TGM2: variants seen among roughly 807,000 people sequenced by gnomAD.
The protein encoded by TGM2 is protein-glutamine gamma-glutamyltransferase 2.
In TGM2, 53 loss-of-function variants were observed where a neutral mutation model predicts 75.6. The ratio of observed to expected loss-of-function variants is 0.70; its 90% confidence interval spans 0.56 to 0.88. The LOEUF (loss-of-function observed/expected upper bound fraction) is 0.88. Among genes scored for constraint, TGM2 ranks in the 40% least tolerant of loss-of-function variants. The pLI is 0.00. For synonymous variants in TGM2, 374 were observed against 381.1 expected (o/e 0.98, Z 0.22); for missense variants, 842 against 928.5 (o/e 0.91, Z 1.21).
At chr20:38,163,290 A>G (rs1010435257) in intron 1 of TGM2, among the ~76,000 whole-genome samples, 9 of 152,164 alleles carry the variant, frequency 5.9e-5, no homozygotes, top group African/African-American at 2.2e-4. Context: ...CATGTGGTCC[A>G]AGTGAGGCCC....
At chr20:38,167,533 C>G (rs1600530179), upstream of TGM2, among the ~76,000 whole-genome samples, 1 of 152,128 alleles carries the variant, frequency 6.6e-6, no homozygotes. Context: ...AGATGGAGGT[C>G]TCACTATGTT....
At chr20:38,165,429 G>A, upstream of TGM2, 2 of 610,798 alleles carry the variant, frequency 3.3e-6, no homozygotes, top group Non-Finnish European at 5.6e-6. Flanking sequence ...CCCGAGGGAG[G>A]GACGGCGGCC....
At position 38,159,520 on chromosome 20, in the gene TGM2, A is replaced by T. The variant is rs45597039; in HGVS notation, c.190+1900T>A. On this transcript the variant is annotated intron_variant, in intron 2 of 12. Transcript: ENST00000361475. The stretch of plus-strand genomic sequence containing the variant: ...CCCATGAACCTAAAATAAAAGTTTT[A>T]AAAAAGAAAGAAAGAAAGAAAGAAA... Among the ~76,000 whole-genome samples the T allele has an allele frequency of 4.5e-3, 517 of 116,008 alleles. 2 individuals carry two copies. Among genetic ancestry groups the T allele is most frequent in the African/African-American group, 0.013 (495 of 39,498 alleles). The allele number at this position is 116,008 out of a possible 152,430, so 76.1% of individuals were successfully genotyped here.
At chr20:38,134,935 G>A (rs973244093) in intron 10 of TGM2, among the ~76,000 whole-genome samples, 2 of 152,156 alleles carry the variant, frequency 1.3e-5, no homozygotes. Flanking sequence ...TTCCAACAGG[G>A]GACTTGGACC....
upstream of TGM2, among the ~76,000 whole-genome samples, chr20:38,165,866 G>A (rs548140026): frequency 8.6e-5 from 13 of 151,990 alleles, no homozygotes; most frequent in South Asian, 2.1e-4. Context: ...ATTCAGATTC[G>A]AATGGCAGAC....
At chr20:38,153,008 T>C (rs898707178) in intron 3 of TGM2, among the ~76,000 whole-genome samples, 1 of 125,644 alleles carries the variant, frequency 8.0e-6, no homozygotes, top group Admixed American at 9.6e-5. Context: ...CCTCTGCAGA[T>C]TGACTAAAAT....
chr20:38,165,700 A>ACACG (rs373296658), upstream of TGM2, among the ~76,000 whole-genome samples: 1,473 of 147,912 alleles, frequency 1.0e-2, 32 homozygotes, highest in African/African-American at 0.035. Flanking sequence ...ACACACACAC[A>ACACG]CGCACACACT....
chr20:38,131,269 A>G (rs188871265), intron 11 of TGM2, 40 bp from the exon 12 acceptor site: 7 of 1,612,234 alleles, frequency 4.3e-6, no homozygotes, highest in Admixed American at 1.7e-5. Context: ...GGCAGGTGGG[A>G]TCCAGGCTGG....
rs1405893992 is a variant in TGM2 at position 38,150,945 on chromosome 20, A to C, written c.546T>G (p.Phe182Leu). ...AKFIKNIPWN[F>L]GQFEDGILDI... ...GACAGGGTGTGGCCCTTACCTGCCCAAAATTCCAAGGTATGTTCTTGATGA... is the reference window on the plus strand; with the variant it reads ...GACAGGGTGTGGCCCTTACCTGCCCCAAATTCCAAGGTATGTTCTTGATGA... Residue 182 changes from phenylalanine (F) to leucine (L), a missense_variant, in exon 4 of 13, where the codon TTT becomes TTG. Transcript: ENST00000361475. 1.9e-6 allele frequency: 3 copies of C among 1,613,772 alleles called. No individual in the cohort carries two copies. The highest frequency in any genetic ancestry group is 1.7e-5 in the Admixed American group (1 of 60,010).
At chr20:38,134,956 T>G (rs1337848793) in intron 10 of TGM2, among the ~76,000 whole-genome samples, 2 of 152,200 alleles carry the variant, frequency 1.3e-5, no homozygotes, top group African/African-American at 4.8e-5. Flanking sequence ...AGCCTCACTT[T>G]CCAGCCAGAG....
chr20:38,161,360 G>C (rs968446444), intron 2 of TGM2, 60 bp downstream of exon 2: 12 of 1,593,416 alleles, frequency 7.5e-6, no homozygotes, highest in Non-Finnish European at 1.0e-5. Flanking sequence ...GGGGCATGTC[G>C]GGGTGGAGAG....
rs577976283 is a variant in TGM2 at position 38,141,641 on chromosome 20, C to G, written c.996-256G>C. 3.9e-5 allele frequency among the ~76,000 whole-genome samples: 6 copies of G among 152,134 alleles called. No individual in the cohort carries two copies. In the East Asian group the frequency reaches 1.2e-3, roughly 29 times the overall value. Reference sequence around the variant, plus strand: ...CCCCTCCTTGCCCCTCTCAGTGGCCCCTTTGACCTCCTAATTTCTTGGCTC... The same window carrying G: ...CCCCTCCTTGCCCCTCTCAGTGGCCGCTTTGACCTCCTAATTTCTTGGCTC... On this transcript the variant is annotated intron_variant, in intron 7 of 12. Coordinates refer to ENST00000361475, the MANE Select transcript of TGM2 (RefSeq NM_004613.4).
At chr20:38,168,380 G>C (rs563720713), upstream of TGM2, among the ~76,000 whole-genome samples, 1 of 152,318 alleles carries the variant, frequency 6.6e-6, no homozygotes, top group East Asian at 1.9e-4. Flanking sequence ...TACCTCACCG[G>C]GGCTGTAAAG....
intron 1 of TGM2, among the ~76,000 whole-genome samples, chr20:38,163,667 G>T (rs1284457871): frequency 6.6e-6 from 1 of 152,136 alleles, no homozygotes; most frequent in Non-Finnish European, 1.5e-5. Flanking sequence ...AAACCTGGGG[G>T]CAGATAGTTC....
In TGM2 at chr20:38,138,302, G is replaced by T. The variant is rs774425047; in HGVS notation, c.1426C>A (p.Arg476=). 1 of 1,614,160 alleles carries T rather than the reference G, an allele frequency of 6.2e-7. No homozygotes were observed. Among genetic ancestry groups the T allele is most frequent in the South Asian group, 1.1e-5 (1 of 91,064 alleles). The change falls in exon 10 of 13, where the codon CGG becomes AGG. Residue 476 remains arginine, a synonymous_variant. Coordinates refer to ENST00000361475, the MANE Select transcript of TGM2 (RefSeq NM_004613.4). ...AEKEETGMAM[R]IRVGQSMNMG... ...TTCATGCTCTGGCCCACACGGATCC[G>T]CATGGCCATCCCTGTCTCCTCCTTC... is the stretch of plus-strand genomic sequence containing the variant.
chr20:38,162,938 G>T (rs1359620120), intron 1 of TGM2, among the ~76,000 whole-genome samples: 2 of 152,130 alleles, frequency 1.3e-5, no homozygotes, highest in East Asian at 3.8e-4. Flanking sequence ...ACTTCCAGAG[G>T]TAGGTTTTAG....
In TGM2 at chr20:38,147,988, GA is replaced by G. The variant is rs1271912475; in HGVS notation, c.653del (p.Val218AlafsTer7). The G allele has an allele frequency of 6.2e-7, 1 of 1,613,016 alleles. No homozygotes were observed. The highest frequency in any genetic ancestry group is 8.5e-7 in the Non-Finnish European group (1 of 1,179,886). Reference sequence around the variant, plus strand: ...TGCCACTCACCACCCGGCCCACGTAGACGGGGCTGCTGCGGCGGGAGCAGTC... The same window carrying G: ...TGCCACTCACCACCCGGCCCACGTAGCGGGGCTGCTGCGGCGGGAGCAGTC... ...GRDCSRRSSPVYVGRVVSGMV... is the reference protein window; with the variant it reads ...GRDCSRRSSPXYVGRVVSGMV... On this transcript the variant is annotated frameshift_variant, in exon 5 of 13. Coordinates refer to ENST00000361475, the MANE Select transcript of TGM2 (RefSeq NM_004613.4). LOFTEE classifies it high-confidence loss of function.
At chr20:38,148,609 G>T (rs895635640) in intron 4 of TGM2, among the ~76,000 whole-genome samples, 1 of 152,128 alleles carries the variant, frequency 6.6e-6, no homozygotes, top group African/African-American at 2.4e-5. Context: ...TGTTTCAACC[G>T]TATCCACAGT....
chr20:38,131,462 G>A (rs988808276), intron 11 of TGM2, among the ~76,000 whole-genome samples: 3 of 151,970 alleles, frequency 2.0e-5, no homozygotes, highest in Non-Finnish European at 2.9e-5. Flanking sequence ...TGACCCAGGG[G>A]ATGTCCAAAG....
Sources: gnomAD v4.1 joint callset for allele counts (sites outside exome capture counted in the v4.1 genomes callset) on GRCh38, gnomAD v4.1.1 for gene constraint, MANE v1.5 for transcripts, NCBI Gene and HGNC (gene_info 2026-07-23, HGNC 2026-07-21) for gene names.